Variants in CDH23 observed in about 807,000 individuals in gnomAD.
CDH23 encodes cadherin related 23.
CDH23 carries 189 observed loss-of-function variants against 317.1 expected under a neutral mutation model. The ratio of observed to expected loss-of-function variants is 0.60; its 90% confidence interval spans 0.53 to 0.67. CDH23 has a LOEUF of 0.67. CDH23 is among the 30% of genes least tolerant of loss of function. The pLI, the probability that CDH23 is intolerant of heterozygous loss-of-function variation, is 0.00. For missense variants in CDH23, 4,401 were observed against 4,592.4 expected, an observed-to-expected ratio of 0.96 and a Z score of 1.20; for synonymous variants, 1,839 against 1,876.8, an observed-to-expected ratio of 0.98 and a Z score of 0.52.
chr10:71,588,158 C>T (rs1859210029), intron 9 of CDH23, among the ~76,000 whole-genome samples: 3 of 152,170 alleles, frequency 2.0e-5, no homozygotes, highest in African/African-American at 7.2e-5. Flanking sequence ...CCACCTCCCA[C>T]CCCACACAGC....
intron 1 of CDH23, among the ~76,000 whole-genome samples, chr10:71,399,325 G>A (rs1382202007): frequency 2.6e-5 from 4 of 152,140 alleles, no homozygotes; most frequent in African/African-American, 9.7e-5. Flanking sequence ...AAGATCCTTG[G>A]GTGACTCATG....
intron 6 of CDH23, among the ~76,000 whole-genome samples, chr10:71,517,274 C>T (rs1175725657): frequency 6.6e-6 from 1 of 152,218 alleles, no homozygotes; most frequent in Non-Finnish European, 1.5e-5. Flanking sequence ...TCACATGTGC[C>T]TTGCACTCCA....
At chr10:71,707,163 G>C (rs1291565675) in intron 26 of CDH23, 114 bp downstream of exon 26, 1 of 1,543,840 alleles carries the variant, frequency 6.5e-7, no homozygotes, top group Non-Finnish European at 8.7e-7. Flanking sequence ...AGAGGTCAGG[G>C]CTCTACTGTT....
chr10:71,540,968 G>A (rs897907683), intron 6 of CDH23, among the ~76,000 whole-genome samples: 4 of 151,804 alleles, frequency 2.6e-5, no homozygotes, highest in Non-Finnish European at 4.4e-5. Flanking sequence ...TTCCTCCCAC[G>A]CAGGCCCTAC....
At chr10:71,513,778 T>C (rs1854124032) in intron 6 of CDH23, among the ~76,000 whole-genome samples, 5 of 152,186 alleles carry the variant, frequency 3.3e-5, no homozygotes, top group Admixed American at 2.6e-4. Flanking sequence ...CTTCCAGGGC[T>C]GACATCCCAT....
chr10:71,492,273 G>A (rs1211139470), intron 3 of CDH23, among the ~76,000 whole-genome samples: 1 of 152,162 alleles, frequency 6.6e-6, no homozygotes, highest in African/African-American at 2.4e-5. Flanking sequence ...ACATTTACCA[G>A]TTCCATGATG....
rs1176829681 is a variant in CDH23 at position 71,403,408 on chromosome 10, TCTTCCTTCCTTCCTTC to T, written c.-6+6122_-6+6137del. 1.0e-3 allele frequency among the ~76,000 whole-genome samples: 58 copies of T among 57,104 alleles called. 3 individuals are homozygous for T. Among genetic ancestry groups the T allele is most frequent in the African/African-American group, 3.3e-3 (26 of 7,928 alleles). The allele number at this position is 57,104 out of a possible 152,430, so 37.5% of individuals were successfully genotyped here. On this transcript the variant is annotated intron_variant, in intron 1 of 69. Coordinates refer to ENST00000224721, the MANE Select transcript of CDH23 (RefSeq NM_022124.6). ...CTTTCTTTCTTTCTTTCTTTCTTTCTCTTCCTTCCTTCCTTCCTTCCTTCCTTCCTTCCTTCCTTCC... is the reference window on the plus strand; with the variant it reads ...CTTTCTTTCTTTCTTTCTTTCTTTCTCTTCCTTCCTTCCTTCCTTCCTTCC...
chr10:71,633,323 C>G (rs934788762), intron 11 of CDH23, among the ~76,000 whole-genome samples: 1 of 152,186 alleles, frequency 6.6e-6, no homozygotes, highest in African/African-American at 2.4e-5. Context: ...CACACTCACA[C>G]ATGCACAGCA....
intron 3 of CDH23, among the ~76,000 whole-genome samples, chr10:71,455,723 C>A (rs12772205): frequency 6.6e-6 from 1 of 151,864 alleles, no homozygotes; most frequent in Non-Finnish European, 1.5e-5. Flanking sequence ...ATTAAAGTCA[C>A]GGGTAGCAGT....
intron 1 of CDH23, among the ~76,000 whole-genome samples, chr10:71,398,063 G>A (rs2131879487): frequency 6.6e-6 from 1 of 152,334 alleles, no homozygotes; most frequent in Admixed American, 6.5e-5. Flanking sequence ...CAGGACTCGA[G>A]CAGAGCCCGC....
chr10:71,550,580 A>AG (rs1856533373), intron 6 of CDH23, among the ~76,000 whole-genome samples: 1 of 43,924 alleles, frequency 2.3e-5, no homozygotes, highest in African/African-American at 1.0e-4. Context: ...AAAAAAAAGA[A>AG]AAAAGAAAAA....
intron 3 of CDH23, among the ~76,000 whole-genome samples, chr10:71,499,682 A>G (rs895485485): frequency 7.3e-5 from 11 of 151,294 alleles, no homozygotes; most frequent in African/African-American, 2.4e-4. Flanking sequence ...TCTACTAAAA[A>G]TACAAAATCA....
At chr10:71,656,223 G>A (rs1268295799) in intron 14 of CDH23, among the ~76,000 whole-genome samples, 1 of 152,198 alleles carries the variant, frequency 6.6e-6, no homozygotes, top group Non-Finnish European at 1.5e-5. Flanking sequence ...GGGCATACGA[G>A]TCCAAGGTCA....
At chr10:71,720,032 T>C (rs1208903047) in intron 28 of CDH23, among the ~76,000 whole-genome samples, 2 of 152,236 alleles carry the variant, frequency 1.3e-5, no homozygotes, top group East Asian at 1.9e-4. Context: ...TGCGGCCCCA[T>C]GGCGCTCACC....
intron 22 of CDH23, among the ~76,000 whole-genome samples, chr10:71,700,065 T>C (rs1240075634): frequency 6.6e-6 from 1 of 152,104 alleles, no homozygotes; most frequent in Non-Finnish European, 1.5e-5. Context: ...AGTTTCCCCA[T>C]CCAGAAAAAT....
chr10:71,430,399 G>T (rs186895400), intron 1 of CDH23, among the ~76,000 whole-genome samples: 4 of 152,200 alleles, frequency 2.6e-5, no homozygotes, highest in African/African-American at 9.6e-5. Context: ...CTCTTTGGAG[G>T]GCAGTTTGCC....
intron 3 of CDH23, among the ~76,000 whole-genome samples, chr10:71,481,232 G>A (rs1471787018): frequency 1.3e-5 from 2 of 152,114 alleles, no homozygotes; most frequent in African/African-American, 2.4e-5. Flanking sequence ...CACAGTCACC[G>A]GCACCCTGCT....
chr10:71,634,378 G>A (rs1003690745), intron 11 of CDH23, among the ~76,000 whole-genome samples: 4 of 152,236 alleles, frequency 2.6e-5, no homozygotes, highest in Admixed American at 6.5e-5. Context: ...CCCCACTTTA[G>A]CCCCCTGCCC....
intron 47 of CDH23, among the ~76,000 whole-genome samples, chr10:71,791,547 C>G (rs1564795621): frequency 6.6e-6 from 1 of 151,536 alleles, no homozygotes; most frequent in Non-Finnish European, 1.5e-5. Context: ...AAACAAGATT[C>G]TTTTTTCCTT....
Sources: allele counts gnomAD v4.1 joint callset (sites outside exome capture counted in the v4.1 genomes callset), GRCh38; gene constraint gnomAD v4.1.1; transcripts MANE v1.5; gene names NCBI Gene and HGNC (gene_info 2026-07-23, HGNC 2026-07-21).